Variants in CCDC180 observed in about 807,000 individuals in gnomAD.
The protein encoded by CCDC180 is coiled-coil domain-containing protein 180.
CCDC180 carries 154 observed loss-of-function variants against 209.2 expected under a neutral mutation model. The ratio of observed to expected loss-of-function variants is 0.74; its 90% CI spans 0.65 to 0.84. The LOEUF is 0.84. CCDC180 is among the 40% of genes least tolerant of loss of function. The pLI, the probability that CCDC180 is intolerant of heterozygous loss-of-function variation, is 0.00. For synonymous variants in CCDC180, 778 were observed against 749.1 expected, an observed-to-expected ratio of 1.04 and a Z score of -0.63; for missense variants, 1,874 against 1,997.3, an observed-to-expected ratio of 0.94 and a Z score of 1.18.
At chr9:97,348,968 G>T in intron 20 of CCDC180, 143 bp from the exon 21 acceptor site, 1 of 735,772 alleles carries the variant, frequency 1.4e-6, no homozygotes, top group Non-Finnish European at 2.1e-6. Context: ...AAGGCAACAG[G>T]GGCAGGACAA....
At position 97,307,763 on chromosome 9, in the gene CCDC180, G is replaced by T; in HGVS notation, c.-125G>T. The T allele has an allele frequency of 3.7e-6, 6 of 1,614,232 alleles. No homozygotes were observed. Among genetic ancestry groups the T allele is most frequent in the Non-Finnish European group, 5.1e-6 (6 of 1,180,038 alleles). Reference sequence around the variant, plus strand: ...TCCCTTCGGATTTGCGCCATGCGCGGCGGGGAGAACCGGCCTCCTGCTCGA... The same window carrying T: ...TCCCTTCGGATTTGCGCCATGCGCGTCGGGGAGAACCGGCCTCCTGCTCGA... On this transcript the variant is annotated 5_prime_UTR_variant, in exon 1 of 37. Coordinates refer to ENST00000529487, the MANE Select transcript of CCDC180 (RefSeq NM_020893.6).
chr9:97,328,061 A>T lies in CCDC180; in HGVS notation c.1703A>T (p.Glu568Val). ...FHTLLTKEVM[E>V]YPAIMLKELN... ...ACCCTCCTGACAAAGGAAGTGATGG[A>T]GTACCCAGCGATCATGCTGAAAGAA... is the stretch of plus-strand genomic sequence containing the variant. Residue 568 changes from glutamate (E) to valine (V), a missense_variant, in exon 16 of 37, where the codon GAG becomes GTG. Physicochemically the swap from Glu to Val is moderately radical, Grantham distance 121. Transcript: ENST00000529487. 6.2e-7 allele frequency: 1 copy of T among 1,614,056 alleles called. No homozygotes were observed. The highest frequency in any genetic ancestry group is 8.5e-7 in the Non-Finnish European group (1 of 1,179,966).
upstream of CCDC180, chr9:97,307,616 G>T (rs913939554): frequency 9.8e-6 from 9 of 917,488 alleles, no homozygotes; most frequent in African/African-American, 1.6e-5. Context: ...TCCCGGATGC[G>T]AATTCTGCGC....
chr9:97,330,814 T>C, intron 18 of CCDC180, 47 bp downstream of exon 18: 1 of 1,548,320 alleles, frequency 6.5e-7, no homozygotes. Flanking sequence ...AAGTTTGCTA[T>C]GCTCATTTTG....
At position 97,344,015 on chromosome 9, in the gene CCDC180, T is replaced by A. The variant is rs374563859; in HGVS notation, c.2498+452T>A. On this transcript the variant is annotated intron_variant, in intron 19 of 36. Transcript: ENST00000529487. ...ACTGTTCACTCATAGAGTATATCCA[T>A]GTCCATCGCTAGAAGACATGACCAA... Among the ~76,000 whole-genome samples, 11 of 152,358 alleles carry A rather than the reference T, an allele frequency of 7.2e-5. No individual in the cohort carries two copies. The South Asian group carries it at 1.2e-3, about 17-fold the overall frequency.
chr9:97,370,512 C>T, intron 32 of CCDC180, 129 bp from the exon 33 acceptor site: 1 of 1,054,324 alleles, frequency 9.5e-7, no homozygotes, highest in Non-Finnish European at 1.4e-6. Context: ...CTCTTCTGCC[C>T]ACCCATCACC....
At chr9:97,370,618 A>G (rs1167536736) in intron 32 of CCDC180, 23 bp from the exon 33 acceptor site, 1 of 1,611,192 alleles carries the variant, frequency 6.2e-7, no homozygotes, top group African/African-American at 1.3e-5. Flanking sequence ...ATTGCCACTG[A>G]ATTCTGGATT....
chr9:97,369,372 C>A (rs10981801), intron 31 of CCDC180: 32,050 of 151,942 alleles, frequency 0.21, 3,650 homozygotes, highest in East Asian at 0.39. Context: ...GATGAGAAGT[C>A]CGCAGAGTAT....
In CCDC180 at chr9:97,362,397, T is replaced by A. The variant is rs758766568; in HGVS notation, c.3858T>A (p.Ser1286=). 4.3e-6 allele frequency: 7 copies of A among 1,614,108 alleles called. No homozygotes were observed. Among genetic ancestry groups the A allele is most frequent in the Admixed American group, 1.7e-5 (1 of 60,018 alleles). ...GACATCGGTGCCAGCCAGAAAACTC[T>A]GGGAAGAAGGCTGTACCCAGTGCCA... The part of the protein sequence containing the change: ...FKRHRCQPEN[S]GKKAVPSASA... Residue 1286 remains serine, a synonymous_variant, in exon 28 of 37, where the codon TCT becomes TCA. Transcript: ENST00000529487.
rs985960426 is a variant in CCDC180 at position 97,366,311 on chromosome 9, T to C, written c.4048-248T>C. Among the ~76,000 whole-genome samples, 1 of 152,162 alleles carries C rather than the reference T, an allele frequency of 6.6e-6. No individual in the cohort carries two copies. The highest frequency in any genetic ancestry group is 1.5e-5 in the Non-Finnish European group (1 of 68,036). On this transcript the variant is annotated intron_variant, in intron 30 of 36. Transcript: ENST00000529487. The surrounding 1 kb of genome is among the most constrained non-coding windows in gnomAD (Gnocchi z 4.3). Reference sequence around the variant, plus strand: ...ATTGATTTGGGTCTTGAAGGATAAATAGGATTCTTGCCAGTCACTCATTCA... The same window carrying C: ...ATTGATTTGGGTCTTGAAGGATAAACAGGATTCTTGCCAGTCACTCATTCA...
At position 97,326,645 on chromosome 9, in the gene CCDC180, A is replaced by C; in HGVS notation, c.1637A>C (p.Asp546Ala). The change falls in exon 15 of 37, where the codon GAT becomes GCT. Residue 546 changes from aspartate (D) to alanine (A), a missense_variant. Asp to Ala is a moderately radical substitution (Grantham distance 126, BLOSUM62 -2). Coordinates refer to ENST00000529487, the MANE Select transcript of CCDC180 (RefSeq NM_020893.6). ...GCGTTTCACCTGGAAAAGGTCAAAG[A>C]TTATCTGAAGAACATGAAATCCAGG... ...TLAFHLEKVK[D>A]YLKNMKSRYE... is the part of the protein sequence containing the mutation. 1.9e-6 allele frequency: 3 copies of C among 1,611,916 alleles called. No individual in the cohort carries two copies. The highest frequency in any genetic ancestry group is 2.5e-6 in the Non-Finnish European group (3 of 1,177,992).
At chr9:97,365,332 G>A in intron 29 of CCDC180, 1 of 239,206 alleles carries the variant, frequency 4.2e-6, no homozygotes, top group Non-Finnish European at 8.3e-6. Context: ...AGAGATGGAG[G>A]TTAATCAGCC....
intron 1 of CCDC180, 79 bp from the exon 2 acceptor site, chr9:97,307,904 T>TG: frequency 1.3e-6 from 2 of 1,585,572 alleles, no homozygotes; most frequent in South Asian, 2.3e-5. Context: ...AGTCCTGCCC[T>TG]GGGGTGCCGC....
chr9:97,340,387 C>A (rs557103740), intron 18 of CCDC180, among the ~76,000 whole-genome samples: 1 of 152,098 alleles, frequency 6.6e-6, no homozygotes, highest in South Asian at 2.1e-4. Context: ...GGCAAGCCAC[C>A]CAGGTGCCGA....
intron 11 of CCDC180, 70 bp downstream of exon 11, chr9:97,320,275 C>G: frequency 7.2e-7 from 1 of 1,397,084 alleles, no homozygotes; most frequent in South Asian, 1.2e-5. Flanking sequence ...TGCTGAAGCT[C>G]AGCCAAATGA....
At chr9:97,353,858 C>T (rs1444837506) in intron 22 of CCDC180, among the ~76,000 whole-genome samples, 1 of 152,116 alleles carries the variant, frequency 6.6e-6, no homozygotes, top group Non-Finnish European at 1.5e-5. Flanking sequence ...AAATGTTGTC[C>T]TCTGGATCCA....
At position 97,314,832 on chromosome 9, in the gene CCDC180, G is replaced by C; in HGVS notation, c.700-19G>C. On this transcript the variant is annotated intron_variant, in intron 7 of 36. Coordinates refer to ENST00000529487, the MANE Select transcript of CCDC180 (RefSeq NM_020893.6). ...CTCCAGGAAGTGAGCCACTAAGTAT[G>C]GTGCCTTGTCATTTCTAGCTAAAAA... is the stretch of plus-strand genomic sequence containing the variant. 6.2e-7 allele frequency: 1 copy of C among 1,605,790 alleles called. No homozygotes were observed. The highest frequency in any genetic ancestry group is 8.5e-7 in the Non-Finnish European group (1 of 1,172,444).
chr9:97,364,946 G>A (rs1420090261), intron 29 of CCDC180, among the ~76,000 whole-genome samples: 2 of 152,164 alleles, frequency 1.3e-5, no homozygotes, highest in Non-Finnish European at 2.9e-5. Flanking sequence ...GTACAGACAG[G>A]TCCATGTCCT....
Position 97,377,824 on chromosome 9 carries a change from C to T in CCDC180, c.*930C>T, listed in dbSNP as rs1827297872. 7.2e-6 allele frequency: 1 copy of T among 138,610 alleles called. No individual in the cohort carries two copies. The highest frequency in any genetic ancestry group is 2.4e-4 in the South Asian group (1 of 4,102). The allele number at this position is 138,610 out of a possible 1,614,324, so 8.6% of individuals were successfully genotyped here. A position where few individuals can be genotyped will look rare whatever the true frequency, so the allele number is the denominator to read the frequency against. On this transcript the variant is annotated 3_prime_UTR_variant, in exon 37 of 37. Transcript: ENST00000529487. ...ACCCCCACCCCAATGTGCTACCTTTCATTGCTTATTATTCCGAAAGGAATA... is the reference window on the plus strand; with the variant it reads ...ACCCCCACCCCAATGTGCTACCTTTTATTGCTTATTATTCCGAAAGGAATA...
Sources: allele counts gnomAD v4.1 joint callset (sites outside exome capture counted in the v4.1 genomes callset), GRCh38; gene constraint gnomAD v4.1.1; non-coding constraint Gnocchi (gnomAD v3.1); transcripts MANE v1.5; gene names NCBI Gene and HGNC (gene_info 2026-07-23, HGNC 2026-07-21).